Variants in LCTL observed in about 807,000 individuals in gnomAD.
LCTL encodes lactase-like protein.
A neutral mutation model predicts 75.8 loss-of-function variants in LCTL; 76 were observed. The ratio of observed to expected loss-of-function variants is 1.00; its 90% CI spans 0.83 to 1.21. The LOEUF is 1.21. LCTL is among the 50% of genes most tolerant of loss of function. The probability of loss-of-function intolerance (pLI) is 0.00; values close to 1 mark genes in which losing one functional copy is unlikely to be tolerated. For missense variants in LCTL, 670 were observed against 712.4 expected (o/e 0.94, Z 0.68); for synonymous variants, 271 against 268.8 (o/e 1.01, Z -0.08).
chr15:66,550,478 T>A (rs936612714), intron 11 of LCTL, among the ~76,000 whole-genome samples: 1 of 152,136 alleles, frequency 6.6e-6, no homozygotes, highest in Non-Finnish European at 1.5e-5. Flanking sequence ...ATTAAGACAC[T>A]CTATTTTATT....
chr15:66,557,916 G>A, intron 7 of LCTL, 33 bp from the exon 9 acceptor site: 1 of 1,611,996 alleles, frequency 6.2e-7, no homozygotes, highest in Non-Finnish European at 8.5e-7. Flanking sequence ...GGAGTGGGGA[G>A]TGGGCATGCC....
In LCTL at chr15:66,550,613, C is replaced by T. The variant is rs139529647; in HGVS notation, c.1525-509G>A. Among the ~76,000 whole-genome samples, 7 of 152,172 alleles carry T rather than the reference C, an allele frequency of 4.6e-5. No homozygotes were observed. The East Asian group carries it at 1.2e-3, about 25-fold the overall frequency. The stretch of plus-strand genomic sequence containing the variant: ...CTCACACCTCAGTCTCTGTAGTCAG[C>T]TGGGACTACAGGCGCATCACCACAT... On this transcript the variant is annotated intron_variant, in intron 11 of 12. Transcript: ENST00000341509.
intron 8 of LCTL, 49 bp from the exon 10 acceptor site, chr15:66,553,307 T>C (rs201622744): frequency 2.8e-5 from 41 of 1,448,686 alleles, no homozygotes; most frequent in Non-Finnish European, 2.8e-6. Flanking sequence ...TTTCTCCCAA[T>C]CACTGTGTTA....
intron 11 of LCTL, among the ~76,000 whole-genome samples, chr15:66,550,979 T>C (rs1483243813): frequency 6.6e-6 from 1 of 152,144 alleles, no homozygotes; most frequent in East Asian, 1.9e-4. Flanking sequence ...ATGAAAATGA[T>C]ATGATAATTA....
At chr15:66,550,517 G>C (rs1284956915) in intron 11 of LCTL, among the ~76,000 whole-genome samples, 2 of 152,116 alleles carry the variant, frequency 1.3e-5, no homozygotes, top group Non-Finnish European at 2.9e-5. Flanking sequence ...GTCTTGCTCT[G>C]TTGCCCAGGC....
At chr15:66,552,008 G>A (rs375127625) in intron 10 of LCTL, 35 bp downstream of exon 11, 2 of 1,595,290 alleles carry the variant, frequency 1.3e-6, no homozygotes, top group African/African-American at 1.3e-5. Flanking sequence ...TCAGTTAAAC[G>A]GGAAAACTGC....
chr15:66,552,968 T>A lies in LCTL; in HGVS notation c.1197+16A>T. 7.0e-7 allele frequency: 1 copy of A among 1,435,552 alleles called. No individual in the cohort carries two copies. The highest frequency in any genetic ancestry group is 9.2e-7 in the Non-Finnish European group (1 of 1,091,326). The allele number at this position is 1,435,552 out of a possible 1,614,324, so 88.9% of individuals were successfully genotyped here. ...CAAGTCTAAATGTCCTTTGAATAGCTGAATGTGATAATCACCTGAGCAAAG... is the reference window on the plus strand; with the variant it reads ...CAAGTCTAAATGTCCTTTGAATAGCAGAATGTGATAATCACCTGAGCAAAG... On this transcript the variant is annotated intron_variant, in intron 9 of 12. Coordinates refer to ENST00000341509, the Ensembl canonical transcript of LCTL.
chr15:66,551,422 T>A (rs1358695514), intron 11 of LCTL, among the ~76,000 whole-genome samples: 2 of 150,360 alleles, frequency 1.3e-5, no homozygotes, highest in Non-Finnish European at 1.5e-5. Flanking sequence ...GTTTTTGCCC[T>A]ATCATAACTT....
exon 13 of LCTL, chr15:66,548,501 T>A (rs1895466076): frequency 6.3e-7 from 1 of 1,594,386 alleles, no homozygotes; most frequent in South Asian, 1.1e-5. Flanking sequence ...CAGCTCTGCC[T>A]CCTCAGGAGG....
At chr15:66,565,096 ATAT>A (rs935017135) in intron 1 of LCTL, 149 bp downstream of exon 2, 55 of 689,352 alleles carry the variant, frequency 8.0e-5, no homozygotes, top group Non-Finnish European at 1.3e-4. Context: ...CAAAAAAAAA[ATAT>A]CTGTTAGGAG....
chr15:66,557,940 G>T, intron 7 of LCTL, 42 bp downstream of exon 8: 1 of 1,608,424 alleles, frequency 6.2e-7, no homozygotes, highest in Non-Finnish European at 8.5e-7. Flanking sequence ...GCTGCTCCGG[G>T]CACTTGGCTG....
chr15:66,559,694 C>T (rs551613431), intron 6 of LCTL, among the ~76,000 whole-genome samples: 8 of 152,120 alleles, frequency 5.3e-5, no homozygotes, highest in African/African-American at 1.2e-4. Flanking sequence ...GGCGACAGAG[C>T]GAGAATCTGT....
chr15:66,555,591 C>T (rs996188020), intron 8 of LCTL, among the ~76,000 whole-genome samples: 1 of 151,640 alleles, frequency 6.6e-6, no homozygotes, highest in Non-Finnish European at 1.5e-5. Context: ...GCAAAAGCAC[C>T]GTGACAATTA....
intron 8 of LCTL, among the ~76,000 whole-genome samples, chr15:66,553,464 A>G (rs567850794): frequency 2.6e-4 from 39 of 152,384 alleles, no homozygotes; most frequent in Middle Eastern, 3.4e-3. Context: ...GCTTAAAAAT[A>G]GCATTTTCAG....
At chr15:66,552,829 G>A (rs1415360696) in intron 9 of LCTL, among the ~76,000 whole-genome samples, 155 bp downstream of exon 10, 1 of 152,194 alleles carries the variant, frequency 6.6e-6, no homozygotes, top group Non-Finnish European at 1.5e-5. Context: ...CATGGTAGAC[G>A]TGAGTCTGTA....
chr15:66,548,591 G>T, exon 13 of LCTL: 1 of 1,596,004 alleles, frequency 6.3e-7, no homozygotes, highest in South Asian at 1.1e-5. Flanking sequence ...ATTTGCATGT[G>T]ACTTAGCAAG....
exon 9 of LCTL, chr15:66,553,010 A>T (rs778700753): frequency 5.4e-6 from 8 of 1,477,794 alleles, no homozygotes; most frequent in Non-Finnish European, 7.2e-6. Flanking sequence ...AGCCTCCTAA[A>T]TCCCCATGGC....
chr15:66,557,607 C>T (rs1895767951), intron 8 of LCTL, 115 bp downstream of exon 9: 3 of 1,005,340 alleles, frequency 3.0e-6, no homozygotes, highest in East Asian at 4.8e-5. Flanking sequence ...CTGGATTATC[C>T]CTTGAGTACC....
chr15:66,553,700 A>G (rs1234127908), intron 8 of LCTL, among the ~76,000 whole-genome samples: 1 of 149,962 alleles, frequency 6.7e-6, no homozygotes, highest in Admixed American at 6.7e-5. Context: ...GCTTGCAGTG[A>G]GCCAAGATCG....
Sources: gnomAD v4.1 joint callset for allele counts (sites outside exome capture counted in the v4.1 genomes callset) on GRCh38, gnomAD v4.1.1 for gene constraint, MANE v1.5 for transcripts, NCBI Gene and HGNC (gene_info 2026-07-23, HGNC 2026-07-21) for gene names.